CCSER1: variants seen among roughly 807,000 people sequenced by gnomAD.
CCSER1 encodes coiled-coil serine rich protein 1, also known as serine-rich coiled-coil domain-containing protein 1.
Under a neutral mutation model 82.0 loss-of-function variants are expected in CCSER1, and 41 were observed. The observed-to-expected ratio is 0.50, with a 90% CI of 0.39 to 0.65. The LOEUF is 0.65. CCSER1 is among the 30% of genes least tolerant of loss of function. The pLI is 0.00. For missense variants in CCSER1, 1,119 were observed against 1,064.2 expected (o/e 1.05, Z -0.72); for synonymous variants, 414 against 383.9 (o/e 1.08, Z -0.92).
In CCSER1 at chr4:91,436,615, C is replaced by T. The variant is rs546526632; in HGVS notation, c.2218-161957C>T. ...ACATAATGCTGCCAATGTTAATAATCGTGTGGGGAGGTAAATGAGAAAATG... is the reference window on the plus strand; with the variant it reads ...ACATAATGCTGCCAATGTTAATAATTGTGTGGGGAGGTAAATGAGAAAATG... On this transcript the variant is annotated intron_variant, in intron 10 of 10. Coordinates refer to ENST00000509176, the MANE Select transcript of CCSER1 (RefSeq NM_001145065.2). Among the ~76,000 whole-genome samples the T allele has an allele frequency of 2.4e-4, 37 of 152,244 alleles. No individual in the cohort carries two copies. The South Asian group carries it at 3.9e-3, about 16-fold the overall frequency.
At chr4:91,196,695 G>A (rs1322868695) in intron 10 of CCSER1, among the ~76,000 whole-genome samples, 1 of 152,158 alleles carries the variant, frequency 6.6e-6, no homozygotes, top group African/African-American at 2.4e-5. Context: ...TGCTCATTTT[G>A]TGAGGTGGCT....
At chr4:91,044,475 T>C (rs1742267887) in intron 9 of CCSER1, among the ~76,000 whole-genome samples, 1 of 152,204 alleles carries the variant, frequency 6.6e-6, no homozygotes, top group Non-Finnish European at 1.5e-5. Flanking sequence ...GACTTAACTA[T>C]GATTTATCTT....
At chr4:90,860,810 C>A (rs1764997191) in intron 8 of CCSER1, among the ~76,000 whole-genome samples, 1 of 151,552 alleles carries the variant, frequency 6.6e-6, no homozygotes, top group Non-Finnish European at 1.5e-5. Context: ...CCACAATAGG[C>A]AAGTCTATAC....
intron 10 of CCSER1, among the ~76,000 whole-genome samples, chr4:91,222,114 G>A (rs915863439): frequency 1.3e-5 from 2 of 151,528 alleles, no homozygotes; most frequent in African/African-American, 2.4e-5. Flanking sequence ...AAGAGAGAGA[G>A]AGAAAATGTG....
intron 10 of CCSER1, among the ~76,000 whole-genome samples, chr4:91,132,912 T>C (rs1158149649): frequency 1.3e-5 from 2 of 152,194 alleles, no homozygotes; most frequent in Non-Finnish European, 2.9e-5. Flanking sequence ...CAATATGAAA[T>C]ATTTACCACA....
intron 9 of CCSER1, among the ~76,000 whole-genome samples, chr4:90,929,053 T>G (rs1729408500): frequency 6.6e-6 from 1 of 152,136 alleles, no homozygotes; most frequent in Non-Finnish European, 1.5e-5. Flanking sequence ...TTCTGTTTGT[T>G]GCTTGCATTC....
At chr4:91,119,447 A>G (rs1726901967) in intron 10 of CCSER1, among the ~76,000 whole-genome samples, 1 of 152,036 alleles carries the variant, frequency 6.6e-6, no homozygotes, top group African/African-American at 2.4e-5. Flanking sequence ...TTTAACATTT[A>G]ACTTCACTCA....
At chr4:91,479,984 T>A (rs1156757643) in intron 10 of CCSER1, among the ~76,000 whole-genome samples, 8 of 133,472 alleles carry the variant, frequency 6.0e-5, no homozygotes, top group African/African-American at 2.3e-4. Context: ...TGAGTGAGAA[T>A]ATGCAGTGTT....
At position 91,600,411 on chromosome 4, in the gene CCSER1, A is replaced by G. The variant is rs1454166833; in HGVS notation, c.*1354A>G. On this transcript the variant is annotated 3_prime_UTR_variant, in exon 11 of 11. Coordinates refer to ENST00000509176, the MANE Select transcript of CCSER1 (RefSeq NM_001145065.2). ...CTTATACACATCAGAGCTGTTAAGT[A>G]CATCCACATTAGCCATAGTCCATGC... is the stretch of plus-strand genomic sequence containing the variant. 1 of 152,198 alleles carries G rather than the reference A, an allele frequency of 6.6e-6. No homozygotes were observed. Among genetic ancestry groups the G allele is most frequent in the African/African-American group, 2.4e-5 (1 of 41,464 alleles). The allele number at this position is 152,198 out of a possible 1,614,324, so 9.4% of individuals were successfully genotyped here.
intron 9 of CCSER1, among the ~76,000 whole-genome samples, chr4:90,928,429 G>A (rs1470624520): frequency 6.6e-6 from 1 of 152,086 alleles, no homozygotes; most frequent in Non-Finnish European, 1.5e-5. Flanking sequence ...CTAGCAGCCA[G>A]CTCCATTCTA....
At chr4:91,229,074 T>C (rs796977478) in intron 10 of CCSER1, among the ~76,000 whole-genome samples, 26 of 152,248 alleles carry the variant, frequency 1.7e-4, no homozygotes, top group African/African-American at 5.8e-4. Context: ...AATCATCATT[T>C]GTGTGGCCAA....
intron 1 of CCSER1, among the ~76,000 whole-genome samples, chr4:90,196,545 C>G (rs760115731): frequency 6.6e-6 from 1 of 151,904 alleles, no homozygotes; most frequent in Non-Finnish European, 1.5e-5. Flanking sequence ...TCTCTCAGCT[C>G]CAGAGCTGGA....
At chr4:90,463,274 A>T (rs1763174623) in intron 4 of CCSER1, among the ~76,000 whole-genome samples, 1 of 152,208 alleles carries the variant, frequency 6.6e-6, no homozygotes, top group Non-Finnish European at 1.5e-5. Context: ...GAAAAAGATA[A>T]ACTATTACAT....
chr4:90,202,469 C>G (rs957307245), intron 1 of CCSER1, among the ~76,000 whole-genome samples: 1 of 152,098 alleles, frequency 6.6e-6, no homozygotes, highest in Non-Finnish European at 1.5e-5. Flanking sequence ...TCCCAGAGTG[C>G]TGGAATTATA....
At chr4:90,422,339 C>T (rs1306730844) in intron 4 of CCSER1, among the ~76,000 whole-genome samples, 1 of 152,158 alleles carries the variant, frequency 6.6e-6, no homozygotes, top group Non-Finnish European at 1.5e-5. Context: ...GACACATGAT[C>T]CTCCAGCACT....
At chr4:90,616,678 C>G (rs1721267008) in intron 5 of CCSER1, among the ~76,000 whole-genome samples, 1 of 137,688 alleles carries the variant, frequency 7.3e-6, no homozygotes, top group African/African-American at 2.7e-5. Flanking sequence ...GAGTGTGGCT[C>G]TGTCTCACAC....
intron 1 of CCSER1, among the ~76,000 whole-genome samples, chr4:90,280,401 T>C (rs977541955): frequency 2.2e-4 from 34 of 151,786 alleles, no homozygotes; most frequent in African/African-American, 7.5e-4. Flanking sequence ...CTCCTGTTTT[T>C]TTCTTCTTCT....
At chr4:90,770,632 T>A (rs1212976683) in intron 7 of CCSER1, among the ~76,000 whole-genome samples, 2 of 152,158 alleles carry the variant, frequency 1.3e-5, no homozygotes, top group African/African-American at 4.8e-5. Flanking sequence ...TATTATGCCA[T>A]CATTGTATTC....
chr4:90,857,987 A>G (rs748170433), intron 8 of CCSER1, among the ~76,000 whole-genome samples: 10 of 152,078 alleles, frequency 6.6e-5, no homozygotes, highest in South Asian at 2.1e-4. Flanking sequence ...TATGTATCTT[A>G]TAACATCATG....
Sources: allele counts gnomAD v4.1 joint callset (sites outside exome capture counted in the v4.1 genomes callset), GRCh38; gene constraint gnomAD v4.1.1; transcripts MANE v1.5; gene names NCBI Gene and HGNC (gene_info 2026-07-23, HGNC 2026-07-21).